The following RBFOX1 variants were observed in gnomAD, a reference collection of about 807,000 sequenced individuals.
RBFOX1 encodes the protein RNA binding protein fox-1 homolog 1.
A neutral mutation model predicts 57.7 loss-of-function variants in RBFOX1; 8 were observed. The observed-to-expected ratio is 0.14, with a 90% CI of 0.08 to 0.25. RBFOX1 has a LOEUF of 0.25. Among genes scored for constraint, RBFOX1 ranks in the 10% least tolerant of loss-of-function variants. The pLI is 1.00. For synonymous variants in RBFOX1, 326 were observed against 222.4 expected, an observed-to-expected ratio of 1.47 and a Z score of -4.15; for missense variants, 611 against 548.5, an observed-to-expected ratio of 1.11 and a Z score of -1.14.
At chr16:6,264,179 C>T (rs1326754649) in intron 1 of RBFOX1, among the ~76,000 whole-genome samples, 3 of 152,146 alleles carry the variant, frequency 2.0e-5, no homozygotes, top group African/African-American at 7.2e-5. Flanking sequence ...TTTGGTTTTT[C>T]AGTGTTCTCT....
At chr16:5,898,826 G>A (rs2058231539) in intron 4 of RBFOX1, among the ~76,000 whole-genome samples, 1 of 151,526 alleles carries the variant, frequency 6.6e-6, no homozygotes, top group African/African-American at 2.4e-5. Context: ...TTGTGGGGCT[G>A]AGAAGGGAAC....
chr16:6,929,870 A>T (rs562667560), intron 3 of RBFOX1, among the ~76,000 whole-genome samples: 1 of 152,290 alleles, frequency 6.6e-6, no homozygotes, highest in South Asian at 2.1e-4. Context: ...CCTACATTTA[A>T]AAAACACTGC....
intron 4 of RBFOX1, among the ~76,000 whole-genome samples, chr16:7,410,018 G>A (rs1047132575): frequency 5.9e-5 from 9 of 152,074 alleles, no homozygotes; most frequent in African/African-American, 2.2e-4. Flanking sequence ...GCAATACCAG[G>A]GTCCCTTCAG....
intron 7 of RBFOX1, among the ~76,000 whole-genome samples, chr16:7,594,039 A>T (rs534459707): frequency 1.2e-3 from 187 of 152,222 alleles, no homozygotes; most frequent in Middle Eastern, 3.4e-3. Context: ...GGTTTGTTAC[A>T]TAGGTATACG....
intron 1 of RBFOX1, among the ~76,000 whole-genome samples, chr16:5,442,472 G>A (rs767241437): frequency 2.0e-5 from 3 of 152,224 alleles, no homozygotes; most frequent in Non-Finnish European, 4.4e-5. Flanking sequence ...CTGAGTGGAG[G>A]CAGGGAGGTG....
At chr16:7,186,245 AACATAAACATATTT>A (rs1567617305) in intron 4 of RBFOX1, among the ~76,000 whole-genome samples, 77 of 128,544 alleles carry the variant, frequency 6.0e-4, no homozygotes, top group Admixed American at 1.2e-3. Context: ...TATTTATATA[AACATAAACATATTT>A]ATATAAACAT....
At chr16:7,634,693 C>T (rs549671158) in intron 11 of RBFOX1, among the ~76,000 whole-genome samples, 20 of 152,216 alleles carry the variant, frequency 1.3e-4, no homozygotes, top group Non-Finnish European at 2.1e-4. Context: ...ACTCTTCCAT[C>T]GGACCCCAAA....
At chr16:7,006,679 C>T (rs992745997) in intron 3 of RBFOX1, among the ~76,000 whole-genome samples, 3 of 152,158 alleles carry the variant, frequency 2.0e-5, no homozygotes, top group Non-Finnish European at 2.9e-5. Context: ...AACTCCTGGA[C>T]TCAAGTGATC....
At chr16:6,275,161 T>C (rs1304607850) in intron 1 of RBFOX1, among the ~76,000 whole-genome samples, 2 of 151,936 alleles carry the variant, frequency 1.3e-5, no homozygotes, top group African/African-American at 4.8e-5. Context: ...AAAGTTAGTA[T>C]ATAGCTGAGC....
intron 1 of RBFOX1, among the ~76,000 whole-genome samples, chr16:6,135,547 T>G (rs2096660297): frequency 6.6e-6 from 1 of 152,046 alleles, no homozygotes; most frequent in Non-Finnish European, 1.5e-5. Context: ...TGGGGGGTAT[T>G]CATTGGATAT....
At chr16:7,291,553 C>G (rs1487565396) in intron 4 of RBFOX1, among the ~76,000 whole-genome samples, 1 of 152,126 alleles carries the variant, frequency 6.6e-6, no homozygotes, top group Non-Finnish European at 1.5e-5. Flanking sequence ...AAATGTTCAG[C>G]TTTCAAGATT....
chr16:6,488,785 C>A (rs546752176), intron 2 of RBFOX1, among the ~76,000 whole-genome samples: 1 of 152,144 alleles, frequency 6.6e-6, no homozygotes, highest in Non-Finnish European at 1.5e-5. Context: ...TGTGTCTTTG[C>A]GAGAGGATGA....
intron 4 of RBFOX1, among the ~76,000 whole-genome samples, chr16:7,249,013 A>G (rs2153008267): frequency 6.6e-6 from 1 of 152,244 alleles, no homozygotes; most frequent in East Asian, 1.9e-4. Context: ...TGAGAGTGGG[A>G]GCCAGGGAAT....
At chr16:5,614,504 T>A (rs1464189801) in intron 3 of RBFOX1, among the ~76,000 whole-genome samples, 2 of 152,236 alleles carry the variant, frequency 1.3e-5, no homozygotes, top group East Asian at 3.9e-4. Flanking sequence ...TGACTTCGGA[T>A]GCACTTTTGT....
intron 3 of RBFOX1, among the ~76,000 whole-genome samples, chr16:6,654,931 T>A (rs536586977): frequency 6.6e-6 from 1 of 152,138 alleles, no homozygotes; most frequent in Non-Finnish European, 1.5e-5. Flanking sequence ...GAAAATACTT[T>A]AACACTTGTC....
intron 1 of RBFOX1, among the ~76,000 whole-genome samples, chr16:5,252,372 C>T (rs369054166): frequency 1.3e-5 from 2 of 152,248 alleles, no homozygotes; most frequent in South Asian, 4.1e-4. Flanking sequence ...ACCTACTTAC[C>T]CTAAAAAATG....
intron 4 of RBFOX1, among the ~76,000 whole-genome samples, chr16:7,338,358 G>A (rs1231862828): frequency 6.6e-6 from 1 of 152,104 alleles, no homozygotes; most frequent in Non-Finnish European, 1.5e-5. Context: ...CTCTGACGTG[G>A]ATAGCAATGG....
At position 6,364,145 on chromosome 16, in the gene RBFOX1, G is replaced by A. The variant is rs539509330; in HGVS notation, c.-64+47088G>A. The stretch of plus-strand genomic sequence containing the variant: ...CAACGTCTGTTCCCTGCTGTACTGA[G>A]AAGTCCAACTCTCCTTTGCAAGCCA... On this transcript the variant is annotated intron_variant, in intron 2 of 15. Transcript: ENST00000550418. Among the ~76,000 whole-genome samples the A allele has an allele frequency of 3.9e-5, 6 of 152,270 alleles. No individual in the cohort carries two copies. The South Asian group carries it at 1.0e-3, about 26-fold the overall frequency.
intron 3 of RBFOX1, among the ~76,000 whole-genome samples, chr16:5,716,309 G>C (rs1421347033): frequency 6.6e-6 from 1 of 152,194 alleles, no homozygotes; most frequent in Non-Finnish European, 1.5e-5. Flanking sequence ...TTGTTACACA[G>C]ATAAACTTAT....
Sources: allele counts gnomAD v4.1 joint callset (sites outside exome capture counted in the v4.1 genomes callset), GRCh38; gene constraint gnomAD v4.1.1; transcripts MANE v1.5; gene names NCBI Gene and HGNC (gene_info 2026-07-23, HGNC 2026-07-21).